Variants in KCNAB1 observed in about 807,000 individuals in gnomAD.
KCNAB1 encodes voltage-gated potassium channel subunit beta-1.
A neutral mutation model predicts 64.6 loss-of-function variants in KCNAB1; 35 were observed. That is an observed-to-expected ratio of 0.54 (90% CI 0.41 to 0.72). KCNAB1 has a LOEUF of 0.72. Ranked by LOEUF, KCNAB1 falls within the 30% of genes least tolerant of loss-of-function variation. The pLI is 0.00. For missense variants in KCNAB1, 401 were observed against 512.9 expected, an observed-to-expected ratio of 0.78 and a Z score of 2.11; for synonymous variants, 177 against 183.8, an observed-to-expected ratio of 0.96 and a Z score of 0.30.
rs116211159 is a variant in KCNAB1, at chr3:156,321,059, C to T, written c.276-100557C>T. ...TGCTAATATTAATAGCAGAATAGGT[C>T]GGCACAAGTGCTTGGCCCAGGAAAG... On this transcript the variant is annotated intron_variant, in intron 1 of 13. Coordinates refer to ENST00000490337, the MANE Select transcript of KCNAB1 (RefSeq NM_172160.3). Among the ~76,000 whole-genome samples the T allele has an allele frequency of 8.8e-3, 1,339 of 152,210 alleles. 17 individuals carry two copies. Among genetic ancestry groups the T allele is most frequent in the African/African-American group, 0.031 (1,278 of 41,526 alleles).
intron 11 of KCNAB1, among the ~76,000 whole-genome samples, chr3:156,518,659 T>C (rs1305449903): frequency 6.6e-6 from 1 of 152,228 alleles, no homozygotes; most frequent in Non-Finnish European, 1.5e-5. Context: ...GTTGTAGTAC[T>C]GAACTGCAAT....
chr3:156,217,074 G>C (rs1333925640), intron 1 of KCNAB1: 1 of 152,220 alleles, frequency 6.6e-6, no homozygotes, highest in Non-Finnish European at 1.5e-5. Flanking sequence ...AAGGCCAGGT[G>C]ACTGATGTTT....
intron 2 of KCNAB1, among the ~76,000 whole-genome samples, chr3:156,449,409 G>C (rs985870283): frequency 1.3e-5 from 2 of 152,106 alleles, no homozygotes; most frequent in South Asian, 4.2e-4. Flanking sequence ...CCTAAACATA[G>C]GCTCTTCCTA....
intron 1 of KCNAB1, among the ~76,000 whole-genome samples, chr3:156,223,730 T>C (rs1332459017): frequency 6.6e-6 from 1 of 152,200 alleles, no homozygotes; most frequent in East Asian, 1.9e-4. Flanking sequence ...AGGGTGCTGA[T>C]TGGTGTGTTT....
chr3:156,502,044 G>T lies in KCNAB1; in HGVS notation c.659-12320G>T, dbSNP rs150178257. ...TCCCTCTGGGTCCCTCCCGCAACAT[G>T]TGGGAATTCTGGGAGATACAATTCA... On this transcript the variant is annotated intron_variant, in intron 8 of 13. Coordinates refer to ENST00000490337, the MANE Select transcript of KCNAB1 (RefSeq NM_172160.3). Among the ~76,000 whole-genome samples, 923 of 152,304 alleles carry T rather than the reference G, an allele frequency of 6.1e-3. 8 individuals carry two copies. In the Middle Eastern group the frequency reaches 0.095, roughly 16 times the overall value.
intron 1 of KCNAB1, among the ~76,000 whole-genome samples, chr3:156,158,191 T>G (rs202177920): frequency 2.7e-5 from 3 of 109,984 alleles, no homozygotes; most frequent in African/African-American, 8.8e-5. Context: ...AATAAATAAA[T>G]AAATAAATAA....
chr3:156,317,581 C>T (rs564478541), intron 1 of KCNAB1, among the ~76,000 whole-genome samples: 1 of 151,812 alleles, frequency 6.6e-6, no homozygotes, highest in East Asian at 1.9e-4. Flanking sequence ...ATTAACCCTG[C>T]CACTTAATAA....
rs1162919333 is a variant in KCNAB1 at position 156,336,327 on chromosome 3, A to G, written c.276-85289A>G. On this transcript the variant is annotated intron_variant, in intron 1 of 13. Transcript: ENST00000490337. The stretch of plus-strand genomic sequence containing the variant: ...CAGTGAGCTGAGATCGTACCACTGC[A>G]CTCCAGCCTGGACAACAGAGTGAGA... 3.3e-5 allele frequency among the ~76,000 whole-genome samples: 5 copies of G among 152,144 alleles called. No individual in the cohort carries two copies. In the East Asian group the frequency reaches 9.6e-4, roughly 29 times the overall value.
chr3:156,466,244 T>G (rs1713366566), intron 7 of KCNAB1, among the ~76,000 whole-genome samples: 2 of 152,170 alleles, frequency 1.3e-5, no homozygotes. Context: ...ATATATGATA[T>G]TTTGTAACTG....
chr3:156,405,231 C>T (rs1049802037), intron 1 of KCNAB1, among the ~76,000 whole-genome samples: 7 of 152,318 alleles, frequency 4.6e-5, no homozygotes, highest in East Asian at 3.9e-4. Flanking sequence ...TGAGAAGTCA[C>T]GGTCCCATCT....
At chr3:156,281,655 G>T (rs1321238184) in intron 1 of KCNAB1, among the ~76,000 whole-genome samples, 3 of 152,074 alleles carry the variant, frequency 2.0e-5, no homozygotes, top group Non-Finnish European at 4.4e-5. Context: ...CTGTTATTGG[G>T]CTATTCAGAG....
intron 1 of KCNAB1, among the ~76,000 whole-genome samples, chr3:156,347,638 G>A (rs1401345686): frequency 2.0e-5 from 3 of 152,152 alleles, no homozygotes; most frequent in Non-Finnish European, 4.4e-5. Context: ...AAGAATCTGG[G>A]GAAGCCCAGT....
At chr3:156,142,245 T>C (rs1219156279) in intron 1 of KCNAB1, among the ~76,000 whole-genome samples, 1 of 152,218 alleles carries the variant, frequency 6.6e-6, no homozygotes, top group African/African-American at 2.4e-5. Context: ...AGAGCAGAAG[T>C]TGTTAATGTT....
At chr3:156,188,740 A>G (rs1023237559) in intron 1 of KCNAB1, among the ~76,000 whole-genome samples, 5 of 152,192 alleles carry the variant, frequency 3.3e-5, no homozygotes, top group Non-Finnish European at 7.4e-5. Context: ...TGTAAAAACG[A>G]ACTTTAATGG....
chr3:156,452,597 T>C lies in KCNAB1; in HGVS notation c.320-302T>C, dbSNP rs1204473934. On this transcript the variant is annotated intron_variant, in intron 2 of 13. Transcript: ENST00000490337. This position sits in a 1 kb window ranked among gnomAD's most constrained non-coding sequence, Gnocchi z 4.6. ...AATGGATCTTGTACACTAGCATCCA[T>C]GGTCCAATAGCAGAAGGGAAAGCAT... Among the ~76,000 whole-genome samples, 2 of 152,226 alleles carry C rather than the reference T, an allele frequency of 1.3e-5. No homozygotes were observed. Among genetic ancestry groups the C allele is most frequent in the African/African-American group, 2.4e-5 (1 of 41,464 alleles).
chr3:156,334,917 G>A (rs1474750536), intron 1 of KCNAB1, among the ~76,000 whole-genome samples: 3 of 152,148 alleles, frequency 2.0e-5, no homozygotes, highest in South Asian at 2.1e-4. Context: ...AGGCTTTCTT[G>A]TATCAATACT....
At chr3:156,336,411 G>T (rs1723716254) in intron 1 of KCNAB1, among the ~76,000 whole-genome samples, 1 of 152,006 alleles carries the variant, frequency 6.6e-6, no homozygotes, top group South Asian at 2.1e-4. Flanking sequence ...TTAACCATAT[G>T]GCTGTTACTG....
At chr3:156,427,777 A>G (rs1576851186) in intron 2 of KCNAB1, among the ~76,000 whole-genome samples, 1 of 152,128 alleles carries the variant, frequency 6.6e-6, no homozygotes, top group East Asian at 1.9e-4. Context: ...TACCACATAC[A>G]CAGGTGATAT....
intron 1 of KCNAB1, among the ~76,000 whole-genome samples, chr3:156,420,962 T>A (rs1031141656): frequency 2.7e-5 from 4 of 149,816 alleles, no homozygotes; most frequent in Admixed American, 2.7e-4. Context: ...CACACACATA[T>A]ATATGTAATA....
Sources: gnomAD v4.1 joint callset for allele counts (sites outside exome capture counted in the v4.1 genomes callset) on GRCh38, gnomAD v4.1.1 for gene constraint, Gnocchi (gnomAD v3.1) non-coding constraint, MANE v1.5 for transcripts, NCBI Gene and HGNC (gene_info 2026-07-23, HGNC 2026-07-21) for gene names.